Variants in ZEB2 observed in about 807,000 individuals in gnomAD.
ZEB2 encodes the protein zinc finger E-box binding homeobox 2.
Under a neutral mutation model 99.9 loss-of-function variants are expected in ZEB2, and 6 were observed. The observed-to-expected ratio is 0.06, with a 90% CI of 0.03 to 0.12. ZEB2 has a LOEUF of 0.12. Among genes scored for constraint, ZEB2 ranks in the 10% least tolerant of loss-of-function variants. The probability of loss-of-function intolerance (pLI) is 1.00; values close to 1 mark genes in which losing one functional copy is unlikely to be tolerated. For missense variants in ZEB2, 969 were observed against 1,502.8 expected, an observed-to-expected ratio of 0.64 and a Z score of 5.87; for synonymous variants, 517 against 542.5, an observed-to-expected ratio of 0.95 and a Z score of 0.65.
chr2:144,472,434 G>T (rs186414058), intron 2 of ZEB2, among the ~76,000 whole-genome samples: 1 of 152,072 alleles, frequency 6.6e-6, no homozygotes, highest in Non-Finnish European at 1.5e-5. Flanking sequence ...CAGCATGATG[G>T]TGATTGAAGC....
At chr2:144,437,882 AT>A (rs1292463409) in intron 2 of ZEB2, among the ~76,000 whole-genome samples, 7 of 152,250 alleles carry the variant, frequency 4.6e-5, no homozygotes, top group African/African-American at 9.6e-5. Context: ...GCTGTAAAAA[AT>A]AAACACGAAA....
intron 4 of ZEB2, among the ~76,000 whole-genome samples, chr2:144,419,909 TA>T (rs552680556): frequency 3.3e-4 from 49 of 150,290 alleles, no homozygotes; most frequent in Middle Eastern, 3.4e-3. Context: ...ACTTTGTTGT[TA>T]AAAAAAAAAT....
intron 2 of ZEB2, among the ~76,000 whole-genome samples, chr2:144,501,524 A>T (rs915306692): frequency 6.6e-5 from 10 of 152,226 alleles, no homozygotes; most frequent in African/African-American, 2.4e-4. Context: ...TGGACTTGTT[A>T]CAAAACATAA....
chr2:144,469,363 G>A (rs9287359), intron 2 of ZEB2, among the ~76,000 whole-genome samples: 117,896 of 152,040 alleles, frequency 0.78, 46,187 homozygotes, highest in Non-Finnish European at 0.83. Flanking sequence ...CACTGCCTTC[G>A]TAGAGCACGC....
chr2:144,409,715 C>G (rs1021880925), intron 4 of ZEB2, among the ~76,000 whole-genome samples: 2 of 152,086 alleles, frequency 1.3e-5, no homozygotes, highest in African/African-American at 4.8e-5. Context: ...GGCAACAAAT[C>G]TCGTCTCTAT....
Position 144,388,257 on chromosome 2 carries a change from T to C in ZEB2, c.*1194A>G, listed in dbSNP as rs1376058527. The C allele has an allele frequency of 6.6e-6, 1 of 152,394 alleles. No individual in the cohort carries two copies. The highest frequency in any genetic ancestry group is 1.5e-5 in the Non-Finnish European group (1 of 67,974). 9.4% of individuals were successfully genotyped at this position (152,394 alleles called of 1,614,324 possible). On this transcript the variant is annotated 3_prime_UTR_variant, in exon 10 of 10. Coordinates refer to ENST00000627532, the MANE Select transcript of ZEB2 (RefSeq NM_014795.4). This position sits in a 1 kb window ranked among gnomAD's most constrained non-coding sequence, Gnocchi z 5.4. ...TCCCAAATTTGGAATTTCCAGTAAT[T>C]GGAAAAAAACAAAAATAAAATAATA...
intron 4 of ZEB2, among the ~76,000 whole-genome samples, chr2:144,418,099 G>A (rs1464679845): frequency 6.6e-6 from 1 of 152,142 alleles, no homozygotes; most frequent in Non-Finnish European, 1.5e-5. Flanking sequence ...CTCCTACACA[G>A]TTAAAGAAGG....
At position 144,483,596 on chromosome 2, in the gene ZEB2, A is replaced by G. The variant is rs150282482; in HGVS notation, c.73+33682T>C. Among the ~76,000 whole-genome samples the G allele has an allele frequency of 1.2e-3, 180 of 152,354 alleles. 1 individual carries two copies. The highest frequency in any genetic ancestry group is 0.011 in the Admixed American group (165 of 15,300). On this transcript the variant is annotated intron_variant, in intron 2 of 9. Transcript: ENST00000627532. ...TGAACAGAAAAAGTTCATGATCTCA[A>G]TATTTATGAAGATGTTAGTTTAGAG...
intron 2 of ZEB2, chr2:144,513,957 C>G (rs1705089059): frequency 2.1e-6 from 3 of 1,410,622 alleles, no homozygotes; most frequent in Non-Finnish European, 1.9e-6. Flanking sequence ...TGTCTGCGGG[C>G]AACTCGCTTT....
At chr2:144,466,599 G>A (rs776786927) in intron 2 of ZEB2, among the ~76,000 whole-genome samples, 15 of 152,092 alleles carry the variant, frequency 9.9e-5, no homozygotes, top group Non-Finnish European at 1.6e-4. Context: ...TGAATCTTCC[G>A]CTGTGCAACT....
At chr2:144,447,442 C>T (rs1183250343) in intron 2 of ZEB2, among the ~76,000 whole-genome samples, 1 of 152,160 alleles carries the variant, frequency 6.6e-6, no homozygotes, top group African/African-American at 2.4e-5. Context: ...TTGTTGAGGG[C>T]CTACAAATAT....
intron 2 of ZEB2, chr2:144,513,605 A>G: frequency 6.5e-7 from 1 of 1,530,594 alleles, no homozygotes; most frequent in Non-Finnish European, 8.7e-7. Flanking sequence ...CTGATGCTGG[A>G]AGGTGGCGGG....
chr2:144,431,270 T>G (rs1703766536), intron 2 of ZEB2, among the ~76,000 whole-genome samples: 1 of 152,134 alleles, frequency 6.6e-6, no homozygotes, highest in African/African-American at 2.4e-5. Flanking sequence ...ATGAAAAGGA[T>G]TGTGTGTCAG....
chr2:144,392,019 G>T (rs1444225379), intron 9 of ZEB2, among the ~76,000 whole-genome samples: 1 of 152,176 alleles, frequency 6.6e-6, no homozygotes, highest in Non-Finnish European at 1.5e-5. Flanking sequence ...GTTAATGTTA[G>T]ATCATGTTAT....
At chr2:144,506,516 T>C (rs1349518543) in intron 2 of ZEB2, among the ~76,000 whole-genome samples, 3 of 152,238 alleles carry the variant, frequency 2.0e-5, no homozygotes, top group Admixed American at 6.5e-5. Context: ...CTTCCATTGA[T>C]GTGCATGGTG....
chr2:144,474,349 C>G (rs1281872674), intron 2 of ZEB2, among the ~76,000 whole-genome samples: 8 of 152,162 alleles, frequency 5.3e-5, no homozygotes, highest in Non-Finnish European at 7.3e-5. Flanking sequence ...AACTCTTTTC[C>G]ATGTTAGCAC....
Position 144,517,027 on chromosome 2 carries a change from G to A in ZEB2, c.73+251C>T, listed in dbSNP as rs1573821151. Among the ~76,000 whole-genome samples the A allele has an allele frequency of 5.4e-5, 8 of 149,490 alleles. 1 individual carries two copies. The South Asian group carries it at 1.7e-3, about 31-fold the overall frequency. On this transcript the variant is annotated intron_variant, in intron 2 of 9. Transcript: ENST00000627532. ...GGGGGCAGCGGGGCTGGGGGCGCGG[G>A]GCCCCGGCCGGACCCCCGCGCTCGG...
At chr2:144,396,312 G>T in intron 9 of ZEB2, 100 bp downstream of exon 9, 14 of 1,433,160 alleles carry the variant, frequency 9.8e-6, no homozygotes, top group Non-Finnish European at 1.3e-5. Context: ...GAAGGTATCA[G>T]CATATGTTAC....
chr2:144,399,683 C>T lies in ZEB2; in HGVS notation c.1504G>A (p.Gly502Arg). ...GGCGGAATATTAGGAGAAGTAACTCCTTGTTCCTCAGGTTGAGAGCATGGA... is the reference window on the plus strand; with the variant it reads ...GGCGGAATATTAGGAGAAGTAACTCTTTGTTCCTCAGGTTGAGAGCATGGA... The part of the protein sequence containing the change: ...KDPCSQPEEQ[G>R]VTSPNIPPVG... Residue 502 changes from glycine to arginine, a missense_variant, in exon 8 of 10, where the codon GGA becomes AGA. Physicochemically the swap from Gly to Arg is moderately radical, Grantham distance 125 (BLOSUM62 -2). This residue lies in a region of ZEB2 where 227 missense variants were observed against 278.2 expected (regional missense o/e 0.82). Transcript: ENST00000627532. This position sits in a 1 kb window ranked among gnomAD's most constrained non-coding sequence, Gnocchi z 5.6. The T allele has an allele frequency of 6.2e-7, 1 of 1,614,208 alleles. No individual in the cohort carries two copies. The highest frequency in any genetic ancestry group is 8.5e-7 in the Non-Finnish European group (1 of 1,180,030).
Sources: allele counts gnomAD v4.1 joint callset (sites outside exome capture counted in the v4.1 genomes callset), GRCh38; gene constraint gnomAD v4.1.1; regional missense constraint gnomAD v4.1.1; non-coding constraint Gnocchi (gnomAD v3.1); transcripts MANE v1.5; gene names NCBI Gene and HGNC (gene_info 2026-07-23, HGNC 2026-07-21).